Variants in RPS6KB1 observed in about 807,000 individuals in gnomAD.
The protein encoded by RPS6KB1 is ribosomal protein S6 kinase B1.
A neutral mutation model predicts 70.2 loss-of-function variants in RPS6KB1; 12 were observed. The observed-to-expected ratio is 0.17, with a 90% CI of 0.11 to 0.28. The LOEUF is 0.28. RPS6KB1 is among the 10% of genes least tolerant of loss of function. RPS6KB1 has a pLI of 1.00. For synonymous variants in RPS6KB1, 175 were observed against 211.2 expected, an observed-to-expected ratio of 0.83 and a Z score of 1.49; for missense variants, 270 against 646.6, an observed-to-expected ratio of 0.42 and a Z score of 6.32.
intron 12 of RPS6KB1, among the ~76,000 whole-genome samples, chr17:59,938,426 G>C (rs1024442395): frequency 1.3e-5 from 2 of 151,230 alleles, no homozygotes; most frequent in Non-Finnish European, 1.5e-5. Context: ...TGTTTGTAAG[G>C]ATTTAATCAA....
chr17:59,899,342 G>A (rs991316900), intron 1 of RPS6KB1, among the ~76,000 whole-genome samples: 3 of 152,146 alleles, frequency 2.0e-5, no homozygotes, highest in Admixed American at 6.6e-5. Flanking sequence ...TGCCTCAAAT[G>A]CTTCTGTCCT....
chr17:59,900,203 CA>C, intron 1 of RPS6KB1, among the ~76,000 whole-genome samples: 1 of 150,278 alleles, frequency 6.7e-6, no homozygotes, highest in Non-Finnish European at 1.5e-5. Flanking sequence ...CACACACACA[CA>C]CACACACACA....
rs2044959359 is a variant in RPS6KB1 at position 59,946,893 on chromosome 17, T to C, written c.*105T>C. ...CAAAATGACAGTTTCAGAGAGTCAA[T>C]GTCATTACATAGAACACTTCAGACA... On this transcript the variant is annotated 3_prime_UTR_variant, in exon 15 of 15. Coordinates refer to ENST00000225577, the MANE Select transcript of RPS6KB1 (RefSeq NM_003161.4). This position sits in a 1 kb window ranked among gnomAD's most constrained non-coding sequence, Gnocchi z 4.2. 1.3e-6 allele frequency: 2 copies of C among 1,565,946 alleles called. No homozygotes were observed. The highest frequency in any genetic ancestry group is 1.7e-6 in the Non-Finnish European group (2 of 1,154,428).
At chr17:59,910,991 C>T (rs1387867620) in intron 2 of RPS6KB1, among the ~76,000 whole-genome samples, 3 of 152,024 alleles carry the variant, frequency 2.0e-5, no homozygotes, top group Non-Finnish European at 4.4e-5. Flanking sequence ...AACAGAAATT[C>T]ATGCAATCCG....
Position 59,949,552 on chromosome 17 carries a change from T to G in RPS6KB1, c.*2764T>G, listed in dbSNP as rs2045105013. The G allele has an allele frequency of 6.6e-6, 1 of 152,544 alleles. No individual in the cohort carries two copies. 9.4% of individuals were successfully genotyped at this position (152,544 alleles called of 1,614,324 possible). Reference sequence around the variant, plus strand: ...AGTTTACTAATTTGATTTTATAAGGTTTGTAGCATTACAGAATAACTAAAC... The same window carrying G: ...AGTTTACTAATTTGATTTTATAAGGGTTGTAGCATTACAGAATAACTAAAC... On this transcript the variant is annotated 3_prime_UTR_variant, in exon 15 of 15. Transcript: ENST00000225577.
chr17:59,925,986 A>G (rs1438321691), intron 4 of RPS6KB1, among the ~76,000 whole-genome samples: 1 of 152,058 alleles, frequency 6.6e-6, no homozygotes, highest in Non-Finnish European at 1.5e-5. Flanking sequence ...ACTTTCTGCT[A>G]GGTCAGATGT....
At chr17:59,942,167 G>A (rs915455248) in intron 13 of RPS6KB1, among the ~76,000 whole-genome samples, 4 of 152,192 alleles carry the variant, frequency 2.6e-5, no homozygotes, top group South Asian at 2.1e-4. Context: ...CGATGGTCTC[G>A]ATTTCTTGAC....
chr17:59,900,208 ACACACACACACACACACACACACC>A, intron 1 of RPS6KB1, among the ~76,000 whole-genome samples: 1 of 137,756 alleles, frequency 7.3e-6, no homozygotes, highest in South Asian at 2.2e-4. Flanking sequence ...ACACACACAC[ACACACACACACACACACACACACC>A]CCTATGTGTT....
At chr17:59,927,609 C>T (rs1485820375) in intron 5 of RPS6KB1, among the ~76,000 whole-genome samples, 1 of 150,750 alleles carries the variant, frequency 6.6e-6, no homozygotes, top group Non-Finnish European at 1.5e-5. Context: ...CAGGTTCAAG[C>T]GATTGTCCTG....
intron 13 of RPS6KB1, chr17:59,945,091 C>T (rs191164050): frequency 6.9e-4 from 128 of 186,318 alleles, no homozygotes; most frequent in African/African-American, 2.6e-3. Flanking sequence ...CGTGAGCCCC[C>T]GTGCCTGGGC....
chr17:59,893,426 C>A lies in RPS6KB1; in HGVS notation c.141+101C>A. ...CCTAGAGCGTGGAGACCCAGGGGGG[C>A]TCCTGAGGAGCTGAGGGTCGCGCGG... On this transcript the variant is annotated intron_variant, in intron 1 of 14. Coordinates refer to ENST00000225577, the MANE Select transcript of RPS6KB1 (RefSeq NM_003161.4). This position sits in a 1 kb window ranked among gnomAD's most constrained non-coding sequence, Gnocchi z 4.1. 1.6e-6 allele frequency: 2 copies of A among 1,249,386 alleles called. No homozygotes were observed. Among genetic ancestry groups the A allele is most frequent in the Non-Finnish European group, 2.2e-6 (2 of 897,590 alleles). The allele number at this position is 1,249,386 out of a possible 1,614,324, so 77.4% of individuals were successfully genotyped here.
chr17:59,903,165 G>A (rs904857126), intron 1 of RPS6KB1, among the ~76,000 whole-genome samples: 13 of 152,002 alleles, frequency 8.6e-5, no homozygotes, highest in Admixed American at 4.6e-4. Flanking sequence ...AATTAGCCGG[G>A]CGTGGTGGCG....
At position 59,946,651 on chromosome 17, in the gene RPS6KB1, A is replaced by G; in HGVS notation, c.1441A>G (p.Ile481Val). 14 of 1,614,212 alleles carry G rather than the reference A, an allele frequency of 8.7e-6. No homozygotes were observed. Among genetic ancestry groups the G allele is most frequent in the Non-Finnish European group, 1.2e-5 (14 of 1,180,038 alleles). The change falls in exon 15 of 15, where the codon ATA becomes GTA. Residue 481 changes from isoleucine (I) to valine (V), a missense_variant. Ile to Val is a conservative substitution (Grantham distance 29, BLOSUM62 3). Transcript: ENST00000225577. This position sits in a 1 kb window ranked among gnomAD's most constrained non-coding sequence, Gnocchi z 4.2. ...GGAATACCCAATGGAAACAAGTGGC[A>G]TAGAGCAGATGGATGTGACAATGAG... is the stretch of plus-strand genomic sequence containing the variant. The part of the protein sequence containing the change: ...PVEYPMETSG[I>V]EQMDVTMSGE...
Position 59,949,348 on chromosome 17 carries a change from T to A in RPS6KB1, c.*2560T>A, listed in dbSNP as rs559736327. On this transcript the variant is annotated 3_prime_UTR_variant, in exon 15 of 15. Coordinates refer to ENST00000225577, the MANE Select transcript of RPS6KB1 (RefSeq NM_003161.4). ...AAAAATCCAAGCATAGTTTAAAATA[T>A]GATGTCGATATTACTAGTCTTGAGT... 2 of 152,720 alleles carry A rather than the reference T, an allele frequency of 1.3e-5. No individual in the cohort carries two copies. The highest frequency in any genetic ancestry group is 6.5e-5 in the Admixed American group (1 of 15,298). 9.5% of individuals were successfully genotyped at this position (152,720 alleles called of 1,614,324 possible).
intron 1 of RPS6KB1, among the ~76,000 whole-genome samples, chr17:59,909,902 C>T (rs976507036): frequency 3.9e-5 from 6 of 152,196 alleles, no homozygotes; most frequent in African/African-American, 1.2e-4. Context: ...ATCCCAGCTA[C>T]TCGGAAGGCT....
At chr17:59,913,341 CTCT>C (rs1255433715) in intron 3 of RPS6KB1, among the ~76,000 whole-genome samples, 1 of 152,184 alleles carries the variant, frequency 6.6e-6, no homozygotes, top group African/African-American at 2.4e-5. Context: ...CCAAACTATT[CTCT>C]TATCAAAATA....
At chr17:59,923,167 T>C (rs2043382735) in intron 4 of RPS6KB1, among the ~76,000 whole-genome samples, 1 of 151,742 alleles carries the variant, frequency 6.6e-6, no homozygotes, top group African/African-American at 2.4e-5. Context: ...TGGTCTTTTT[T>C]TTTTTTTGTG....
Position 59,938,698 on chromosome 17 carries a change from T to TG in RPS6KB1, c.1120-2138_1120-2137insG, listed in dbSNP as rs1491134029. On this transcript the variant is annotated intron_variant, in intron 12 of 14. Coordinates refer to ENST00000225577, the MANE Select transcript of RPS6KB1 (RefSeq NM_003161.4). ...TTTGATCAGGAGGCATAATGTGTAG[T>TG]TTGTGTGTGTGTGTGTGTGTGTGTG... Among the ~76,000 whole-genome samples, 170 of 130,156 alleles carry TG rather than the reference T, an allele frequency of 1.3e-3. 1 individual carries two copies. The highest frequency in any genetic ancestry group is 7.7e-3 in the Admixed American group (92 of 11,944). 85.4% of individuals were successfully genotyped at this position (130,156 alleles called of 152,430 possible).
intron 1 of RPS6KB1, among the ~76,000 whole-genome samples, chr17:59,902,803 C>T (rs1041236124): frequency 2.6e-5 from 4 of 151,954 alleles, no homozygotes; most frequent in African/African-American, 9.7e-5. Context: ...GTTTTAAACT[C>T]CTGGCCTCAA....
Sources: allele counts gnomAD v4.1 joint callset (sites outside exome capture counted in the v4.1 genomes callset), GRCh38; gene constraint gnomAD v4.1.1; non-coding constraint Gnocchi (gnomAD v3.1); transcripts MANE v1.5; gene names NCBI Gene and HGNC (gene_info 2026-07-23, HGNC 2026-07-21).